Variants in MED12 observed in about 807,000 individuals in gnomAD.
The protein encoded by MED12 is mediator of RNA polymerase II transcription subunit 12.
Under a neutral mutation model 177.7 loss-of-function variants are expected in MED12, and 10 were observed. The ratio of observed to expected loss-of-function variants is 0.06; its 90% CI spans 0.03 to 0.10. The LOEUF is 0.10. Among genes scored for constraint, MED12 ranks in the 10% least tolerant of loss-of-function variants. The pLI, the probability that MED12 is intolerant of heterozygous loss-of-function variation, is 1.00. For missense variants in MED12, 867 were observed against 1,780.8 expected, an observed-to-expected ratio of 0.49 and a Z score of 9.23; for synonymous variants, 641 against 678.4, an observed-to-expected ratio of 0.94 and a Z score of 0.86.
At chrX:71,140,034 GA>G (rs1307655765) in intron 41 of MED12, among the ~76,000 whole-genome samples, 1 of 109,742 alleles carries the variant, frequency 9.1e-6, no homozygotes, top group Non-Finnish European at 1.9e-5. Context: ...AGTGTTTATA[GA>G]ATGCCTATCT....
chrX:71,131,730 G>T lies in MED12; in HGVS notation c.4119+109G>T, dbSNP rs1011619404. On this transcript the variant is annotated intron_variant, in intron 29 of 44. Coordinates refer to ENST00000374080, the MANE Select transcript of MED12 (RefSeq NM_005120.3). Reference sequence around the variant, plus strand: ...GATCCTACCCTTGGGCTCTTGAGCTGAGAGATAAGAGGGGATGGGAAAATG... The same window carrying T: ...GATCCTACCCTTGGGCTCTTGAGCTTAGAGATAAGAGGGGATGGGAAAATG... The T allele has an allele frequency of 3.9e-6, 3 of 760,218 alleles. No individual in the cohort carries two copies. In the African/African-American group the frequency reaches 6.2e-5, roughly 16 times the overall value. The allele number at this position is 760,218 out of a possible 1,213,427, so 62.7% of individuals were successfully genotyped here. A position where few individuals can be genotyped will look rare whatever the true frequency, so the allele number is the denominator to read the frequency against.
At chrX:71,132,727 T>C in intron 31 of MED12, 118 bp from the exon 32 acceptor site, 1 of 861,939 alleles carries the variant, frequency 1.2e-6, no homozygotes. Flanking sequence ...GGAAGTTGAC[T>C]CCCAACCCAC....
chrX:71,139,864 A>T (rs1317701197), intron 41 of MED12, among the ~76,000 whole-genome samples: 1 of 108,624 alleles, frequency 9.2e-6, no homozygotes, highest in East Asian at 3.0e-4. Flanking sequence ...GCATCATTGC[A>T]CTCCAGCCTG....
chrX:71,134,703 C>T lies in MED12; in HGVS notation c.4728-10C>T, dbSNP rs1230205688. The T allele has an allele frequency of 3.3e-5, 40 of 1,208,693 alleles. No individual in the cohort carries two copies. The highest frequency in any genetic ancestry group is 4.5e-5 in the Non-Finnish European group (40 of 894,925). On this transcript the variant is annotated splice_polypyrimidine_tract_variant and intron_variant, in intron 34 of 44. Transcript: ENST00000374080. The stretch of plus-strand genomic sequence containing the variant: ...TCTTCTTTGGTTTTCTCTCTGGCTT[C>T]CTGTCTCAGTGAGCTCTTCACTACT...
At chrX:71,131,644 C>G in intron 29 of MED12, 23 bp downstream of exon 29, 1 of 1,195,404 alleles carries the variant, frequency 8.4e-7, no homozygotes, top group Non-Finnish European at 1.1e-6. Context: ...TGGACCCTCC[C>G]TTTCCTGTGC....
Position 71,118,631 on chromosome X carries a change from C to A in MED12, c.-124C>A. 1.7e-6 allele frequency: 1 copy of A among 581,909 alleles called. No homozygotes were observed. The highest frequency in any genetic ancestry group is 2.9e-6 in the Non-Finnish European group (1 of 342,874). 48.0% of individuals were successfully genotyped at this position (581,909 alleles called of 1,213,427 possible). ...AATGGTCGAGAGTTTCTAACGTGCC[C>A]CCTTGTTGTCTCTCGGCCGCCGTCC... On this transcript the variant is annotated 5_prime_UTR_variant, in exon 1 of 45. Coordinates refer to ENST00000374080, the MANE Select transcript of MED12 (RefSeq NM_005120.3).
At chrX:71,132,778 CTCTTCTCTTCTCTTCTCTTCTCTTCTCTT>C in intron 31 of MED12, 38 bp from the exon 32 acceptor site, 1 of 278,674 alleles carries the variant, frequency 3.6e-6, no homozygotes. Context: ...CTCTTCTCTT[CTCTTCTCTTCTCTTCTCTTCTCTTCTCTT>C]CTCTTCTCTT....
chrX:71,127,839 C>T (rs970758701), intron 21 of MED12, 54 bp from the exon 22 acceptor site: 10 of 935,588 alleles, frequency 1.1e-5, no homozygotes, highest in African/African-American at 5.8e-5. Flanking sequence ...GACCATCCCT[C>T]GACCTCAGCA....
intron 24 of MED12, 90 bp downstream of exon 24, chrX:71,128,808 G>GCCGCAGCAAGGTCTCCCAC: frequency 9.2e-7 from 1 of 1,089,150 alleles, no homozygotes; most frequent in Non-Finnish European, 1.3e-6. Flanking sequence ...CACTGTGGGA[G>GCCGCAGCAAGGTCTCCCAC]ACCTTGCTGC....
In MED12 at chrX:71,136,402, G is replaced by A. The variant is rs1215330787; in HGVS notation, c.5147G>A (p.Arg1716Gln). 1 of 1,211,009 alleles carries A rather than the reference G, an allele frequency of 8.3e-7. No homozygotes were observed. Among genetic ancestry groups the A allele is most frequent in the African/African-American group, 1.7e-5 (1 of 57,652 alleles). ...GTCCGAGTGGACCGGCGAGTGGCTC[G>A]AGGAGAGGAGCAGCAGCGGTTGCTG... is the stretch of plus-strand genomic sequence containing the variant. ...GTVRVDRRVA[R>Q]GEEQQRLLLY... Residue 1716 changes from arginine (R) to glutamine (Q), a missense_variant, in exon 37 of 45, where the codon CGA becomes CAA. Physicochemically the swap from Arg to Gln is conservative, Grantham distance 43 (BLOSUM62 1). Around this residue, in one of 14 missense-constraint regions of MED12, gnomAD observed 36 missense variants for 141.5 expected, o/e 0.25. Transcript: ENST00000374080.
At position 71,123,715 on chromosome X, in the gene MED12, T is replaced by A; in HGVS notation, c.1739T>A (p.Met580Lys). The change falls in exon 12 of 45, where the codon ATG (methionine) becomes AAG (lysine). Residue 580 changes from methionine to lysine, a missense_variant. Around this residue, in one of 14 missense-constraint regions of MED12, gnomAD observed 309 missense variants for 556.3 expected, o/e 0.56. Transcript: ENST00000374080. ...CAGTTTCTGGATACACAGGCTCCCA[T>A]GCTGAGTACGGACCCCTACCACTCT... is the stretch of plus-strand genomic sequence containing the variant. The part of the protein sequence containing the change: ...LLQFLDTQAP[M>K]LTDPRSESER... 8.4e-7 allele frequency: 1 copy of A among 1,195,128 alleles called. No homozygotes were observed. Among genetic ancestry groups the A allele is most frequent in the South Asian group, 1.8e-5 (1 of 54,803 alleles).
rs781452716 is a variant in MED12, at chrX:71,118,808, G to A, written c.54G>A (p.Arg18=). ...SYEHRPLKRP[R]LGPPDVYPQD... ...AACACCGGCCCCTGAAGCGGCCGCGGCTGGGGCCTCCCGATGTTTACCCTC... is the reference window on the plus strand; with the variant it reads ...AACACCGGCCCCTGAAGCGGCCGCGACTGGGGCCTCCCGATGTTTACCCTC... The change falls in exon 1 of 45, where the codon CGG becomes CGA. Residue 18 remains arginine, a synonymous_variant. Transcript: ENST00000374080. 8.3e-7 allele frequency: 1 copy of A among 1,209,647 alleles called. No individual in the cohort carries two copies. Among genetic ancestry groups the A allele is most frequent in the Non-Finnish European group, 1.1e-6 (1 of 894,942 alleles).
chrX:71,122,721 C>G lies in MED12; in HGVS notation c.1349-17C>G. On this transcript the variant is annotated splice_polypyrimidine_tract_variant and intron_variant, in intron 9 of 44. Transcript: ENST00000374080. ...CGGGCCTCTGGTTCAGTCCCCTTTA[C>G]CACTTTTCCTCCTTAGGCTTCACCA... is the stretch of plus-strand genomic sequence containing the variant. 1 of 1,211,699 alleles carries G rather than the reference C, an allele frequency of 8.3e-7. No individual in the cohort carries two copies.
rs1439087830 is a variant in MED12 at position 71,120,003 on chromosome X, T to C, written c.397-11T>C. 1.9e-5 allele frequency: 23 copies of C among 1,209,936 alleles called. No homozygotes were observed. Among genetic ancestry groups the C allele is most frequent in the Non-Finnish European group, 2.5e-5 (22 of 894,984 alleles). On this transcript the variant is annotated splice_polypyrimidine_tract_variant and intron_variant, in intron 3 of 44. Coordinates refer to ENST00000374080, the MANE Select transcript of MED12 (RefSeq NM_005120.3). Reference sequence around the variant, plus strand: ...ATAATAGAGACCTCACTATTTGCAATGTCCATCCAGGTCCCCATTTTCAGT... The same window carrying C: ...ATAATAGAGACCTCACTATTTGCAACGTCCATCCAGGTCCCCATTTTCAGT...
chrX:71,129,338 C>T lies in MED12; in HGVS notation c.3600C>T (p.Arg1200=), dbSNP rs912006355. The T allele has an allele frequency of 2.5e-6, 3 of 1,205,737 alleles. No homozygotes were observed. The highest frequency in any genetic ancestry group is 3.4e-6 in the Non-Finnish European group (3 of 891,361). ...SDGNKPTVGI[R]SSCDRHLLAA... is the part of the protein sequence containing the mutation. ...CAGACAAGCCTACAGTAGGAATCCG[C>T]TCCTCCTGCGACCGCCACCTGCTGG... The change falls in exon 26 of 45, where the codon CGC becomes CGT. Residue 1200 remains arginine, a synonymous_variant. Transcript: ENST00000374080.
chrX:71,131,739 G>A (rs2092317954), intron 29 of MED12, 118 bp downstream of exon 29: 1 of 706,534 alleles, frequency 1.4e-6, no homozygotes, highest in African/African-American at 2.1e-5. Flanking sequence ...TGAGAGATAA[G>A]AGGGGATGGG....
chrX:71,136,755 C>T (rs1251192712), intron 37 of MED12, 100 bp downstream of exon 37: 3 of 1,174,672 alleles, frequency 2.6e-6, no homozygotes, highest in South Asian at 3.7e-5. Flanking sequence ...GGAAGGGGTG[C>T]CATTAGAATC....
chrX:71,123,659 C>T lies in MED12; in HGVS notation c.1683C>T (p.Pro561=), dbSNP rs754247833. The T allele has an allele frequency of 2.5e-6, 3 of 1,208,859 alleles. No individual in the cohort carries two copies. Among genetic ancestry groups the T allele is most frequent in the East Asian group, 3.0e-5 (1 of 33,820 alleles). ...TCGCCTCTGGCTCCCTTTCTGCTCC[C>T]AGTGCTCCCATTTTCCAGGATGTCC... The part of the protein sequence containing the change: ...GSIASGSLSA[P]SAPIFQDVLL... Residue 561 remains proline (P), a synonymous_variant, in exon 12 of 45, where the codon CCC becomes CCT. Transcript: ENST00000374080.
Position 71,126,095 on chromosome X carries a change from G to T in MED12, c.2482G>T (p.Asp828Tyr). ...NRPEAFPTAEDIFAKFQHLSH... is the reference protein window; with the variant it reads ...NRPEAFPTAEYIFAKFQHLSH... ...GCCTGAAGCCTTCCCCACTGCTGAA[G>T]ATATCTTTGCTAAGTTCCAGCACCT... The change falls in exon 18 of 45, where the codon GAT (aspartate) becomes TAT (tyrosine). Residue 828 changes from aspartate (D) to tyrosine (Y), a missense_variant. By Grantham distance (160) the Asp-to-Tyr change is radical. Transcript: ENST00000374080. The T allele has an allele frequency of 8.3e-7, 1 of 1,211,844 alleles. No homozygotes were observed.
Sources: gnomAD v4.1 joint callset for allele counts (sites outside exome capture counted in the v4.1 genomes callset) on GRCh38, gnomAD v4.1.1 for gene constraint, gnomAD v4.1.1 regional missense constraint, MANE v1.5 for transcripts, NCBI Gene and HGNC (gene_info 2026-07-23, HGNC 2026-07-21) for gene names.